The following ADARB2 variants were observed in gnomAD, a reference collection of about 807,000 sequenced individuals.
ADARB2 encodes the protein adenosine deaminase RNA specific B2 (inactive).
Under a neutral mutation model 62.2 loss-of-function variants are expected in ADARB2, and 25 were observed. The observed-to-expected ratio is 0.40, with a 90% CI of 0.29 to 0.56. The LOEUF is 0.56. Among genes scored for constraint, ADARB2 ranks in the 20% least tolerant of loss-of-function variants. The pLI is 0.43. For synonymous variants in ADARB2, 572 were observed against 500.8 expected, an observed-to-expected ratio of 1.14 and a Z score of -1.90; for missense variants, 1,071 against 1,077.4, an observed-to-expected ratio of 0.99 and a Z score of 0.08.
At chr10:1,632,734 C>A (rs1833858819) in intron 1 of ADARB2, among the ~76,000 whole-genome samples, 1 of 152,230 alleles carries the variant, frequency 6.6e-6, no homozygotes, top group South Asian at 2.1e-4. Flanking sequence ...AGACAGAGAC[C>A]TCACAGCCCA....
At position 1,255,166 on chromosome 10, in the gene ADARB2, T is replaced by G. The variant is rs1831069282; in HGVS notation, c.1193-12867A>C. Among the ~76,000 whole-genome samples, 1 of 152,192 alleles carries G rather than the reference T, an allele frequency of 6.6e-6. No homozygotes were observed. The highest frequency in any genetic ancestry group is 6.5e-5 in the Admixed American group (1 of 15,282). On this transcript the variant is annotated intron_variant, in intron 4 of 9. Transcript: ENST00000381312. The surrounding 1 kb of genome is among the most constrained non-coding windows in gnomAD (Gnocchi z 4.7). ...CTGAGCTCCTCATGGGGCCAAAACA[T>G]GAGGGAGTGCTTGGATCCAGGAATG...
intron 1 of ADARB2, among the ~76,000 whole-genome samples, chr10:1,647,763 GTA>G (rs1834063260): frequency 6.6e-6 from 1 of 151,532 alleles, no homozygotes; most frequent in Non-Finnish European, 1.5e-5. Flanking sequence ...TATATGTTGT[GTA>G]TGTGTGGTGT....
chr10:1,659,473 A>T (rs1323614057), intron 1 of ADARB2, among the ~76,000 whole-genome samples: 1 of 152,260 alleles, frequency 6.6e-6, no homozygotes, highest in Non-Finnish European at 1.5e-5. Flanking sequence ...CGATTCAGAC[A>T]GTGGGAGCGG....
chr10:1,305,164 TAAAG>T (rs1831614269), intron 3 of ADARB2, among the ~76,000 whole-genome samples: 1 of 143,292 alleles, frequency 7.0e-6, no homozygotes, highest in African/African-American at 2.5e-5. Flanking sequence ...GCAAGACTAA[TAAAG>T]AAAAAAAGAG....
intron 1 of ADARB2, among the ~76,000 whole-genome samples, chr10:1,717,720 A>G (rs372563694): frequency 2.4e-4 from 37 of 151,952 alleles, no homozygotes; most frequent in South Asian, 1.9e-3. Flanking sequence ...TGGGACTACA[A>G]GCACACACCA....
intron 8 of ADARB2, among the ~76,000 whole-genome samples, chr10:1,192,889 G>A (rs1161722982): frequency 6.6e-6 from 1 of 152,258 alleles, no homozygotes; most frequent in Non-Finnish European, 1.5e-5. Context: ...GTTGCAGTGA[G>A]CCGAGATCGC....
intron 1 of ADARB2, among the ~76,000 whole-genome samples, chr10:1,433,899 G>A (rs1452629183): frequency 2.0e-5 from 3 of 152,124 alleles, no homozygotes; most frequent in Non-Finnish European, 4.4e-5. Context: ...GATACACCTC[G>A]GTGGACCCTA....
chr10:1,617,476 G>T (rs1443368773), intron 1 of ADARB2, among the ~76,000 whole-genome samples: 13 of 109,092 alleles, frequency 1.2e-4, no homozygotes, highest in Non-Finnish European at 1.1e-4. Flanking sequence ...AGATGTTTGT[G>T]TGCCCGTCCA....
intron 2 of ADARB2, among the ~76,000 whole-genome samples, chr10:1,372,483 A>T (rs1338421006): frequency 6.8e-6 from 1 of 146,286 alleles, no homozygotes; most frequent in Non-Finnish European, 1.5e-5. Context: ...ATTAAAAAAA[A>T]GTTTTGAAAT....
At chr10:1,327,301 C>T (rs1284481531) in intron 3 of ADARB2, among the ~76,000 whole-genome samples, 31 of 44,182 alleles carry the variant, frequency 7.0e-4, no homozygotes, top group South Asian at 2.5e-3. Flanking sequence ...CAGCGCCTCC[C>T]CACGGCACAG....
chr10:1,585,603 A>ACCC (rs1220235496), intron 1 of ADARB2, among the ~76,000 whole-genome samples: 1 of 152,174 alleles, frequency 6.6e-6, no homozygotes, highest in African/African-American at 2.4e-5. Context: ...TCACATGGGA[A>ACCC]TTGTGTATTC....
intron 1 of ADARB2, among the ~76,000 whole-genome samples, chr10:1,496,089 CCATCATCAT>C (rs1017331273): frequency 6.6e-6 from 1 of 150,416 alleles, no homozygotes; most frequent in Non-Finnish European, 1.5e-5. Flanking sequence ...ATCGTCATCA[CCATCATCAT>C]CGTCATCACC....
At chr10:1,351,283 C>CTT (rs1589201682) in intron 3 of ADARB2, among the ~76,000 whole-genome samples, 1 of 152,290 alleles carries the variant, frequency 6.6e-6, no homozygotes, top group African/African-American at 2.4e-5. Context: ...TCGGGTAACT[C>CTT]ACAGTGGAAG....
At chr10:1,274,766 A>T (rs1360349245) in intron 3 of ADARB2, among the ~76,000 whole-genome samples, 1 of 152,210 alleles carries the variant, frequency 6.6e-6, no homozygotes, top group African/African-American at 2.4e-5. Context: ...GAAGCAACGC[A>T]ACCAGTCATA....
At chr10:1,608,335 G>A (rs1294531631) in intron 1 of ADARB2, among the ~76,000 whole-genome samples, 1 of 152,182 alleles carries the variant, frequency 6.6e-6, no homozygotes, top group Non-Finnish European at 1.5e-5. Context: ...TGCTGCTGCT[G>A]AGATGTTTGT....
At chr10:1,600,523 G>T (rs1009219545) in intron 1 of ADARB2, among the ~76,000 whole-genome samples, 1 of 151,966 alleles carries the variant, frequency 6.6e-6, no homozygotes, top group Non-Finnish European at 1.5e-5. Flanking sequence ...GTAGCTGGGC[G>T]TGGTGGTGCG....
At chr10:1,670,844 A>C (rs138846803) in intron 1 of ADARB2, among the ~76,000 whole-genome samples, 439 of 152,262 alleles carry the variant, frequency 2.9e-3, no homozygotes, top group African/African-American at 9.8e-3. Flanking sequence ...GGTGATTAGG[A>C]CGTCTGCGCA....
intron 4 of ADARB2, among the ~76,000 whole-genome samples, chr10:1,257,434 G>A (rs1212158403): frequency 6.6e-6 from 1 of 152,108 alleles, no homozygotes; most frequent in African/African-American, 2.4e-5. Flanking sequence ...TCCTCAGCCC[G>A]AGACCCCACT....
intron 1 of ADARB2, among the ~76,000 whole-genome samples, chr10:1,537,434 C>G (rs1406222220): frequency 6.6e-6 from 1 of 152,232 alleles, no homozygotes. Flanking sequence ...ACCACAAATA[C>G]CATTTGGCCC....
Sources: allele counts gnomAD v4.1 joint callset (sites outside exome capture counted in the v4.1 genomes callset), GRCh38; gene constraint gnomAD v4.1.1; non-coding constraint Gnocchi (gnomAD v3.1); transcripts MANE v1.5; gene names NCBI Gene and HGNC (gene_info 2026-07-23, HGNC 2026-07-21).